Variants in ACSL6 observed in about 807,000 individuals in gnomAD.
ACSL6 encodes the protein long-chain-fatty-acid--CoA ligase 6.
Under a neutral mutation model 98.2 loss-of-function variants are expected in ACSL6, and 47 were observed. The observed-to-expected ratio is 0.48, with a 90% CI of 0.38 to 0.61. The LOEUF is 0.61. ACSL6 is among the 20% of genes least tolerant of loss of function. The pLI is 0.00. For synonymous variants in ACSL6, 362 were observed against 336.9 expected (o/e 1.07, Z -0.82); for missense variants, 761 against 913.4 (o/e 0.83, Z 2.15).
chr5:131,977,073 G>A (rs1753662126), intron 9 of ACSL6, among the ~76,000 whole-genome samples: 1 of 152,156 alleles, frequency 6.6e-6, no homozygotes, highest in Non-Finnish European at 1.5e-5. Flanking sequence ...CTTACATATA[G>A]CAAGGGCTCT....
At chr5:131,989,707 T>C (rs188152114) in intron 4 of ACSL6, among the ~76,000 whole-genome samples, 199 bp from the exon 5 acceptor site, 172 of 146,786 alleles carry the variant, frequency 1.2e-3, no homozygotes, top group African/African-American at 3.2e-3. Flanking sequence ...GCAATTCTCC[T>C]GTCAGCCTCC....
chr5:131,967,500 A>G (rs752249236), intron 16 of ACSL6, among the ~76,000 whole-genome samples: 128 of 152,082 alleles, frequency 8.4e-4, no homozygotes, highest in Non-Finnish European at 1.4e-3. Context: ...CGTCTCTACT[A>G]AAAATACAAA....
Position 131,952,534 on chromosome 5 carries a change from T to C in ACSL6, c.*1700A>G, listed in dbSNP as rs750813564. The stretch of plus-strand genomic sequence containing the variant: ...AGACTACAAACACTGAGCACATACA[T>C]TTTAAATTAACACATGAATTGCATA... On this transcript the variant is annotated 3_prime_UTR_variant, in exon 21 of 21. Coordinates refer to ENST00000651883, the MANE Select transcript of ACSL6 (RefSeq NM_001009185.3). The C allele has an allele frequency of 2.3e-5, 5 of 215,578 alleles. No homozygotes were observed. The highest frequency in any genetic ancestry group is 3.0e-3 in the Middle Eastern group (2 of 674). 13.4% of individuals were successfully genotyped at this position (215,578 alleles called of 1,614,324 possible). A position where few individuals can be genotyped will look rare whatever the true frequency, so the allele number is the denominator to read the frequency against.
chr5:131,960,454 T>A, intron 19 of ACSL6, 66 bp downstream of exon 19: 1 of 1,355,584 alleles, frequency 7.4e-7, no homozygotes, highest in Non-Finnish European at 1.0e-6. Context: ...AACTTTTCTG[T>A]CTTCTCATTA....
chr5:131,955,004 T>C (rs1246484744), intron 20 of ACSL6, among the ~76,000 whole-genome samples: 1 of 152,194 alleles, frequency 6.6e-6, no homozygotes, highest in Non-Finnish European at 1.5e-5. Flanking sequence ...AGCCATTTTA[T>C]GGAGGAGCTC....
intron 17 of ACSL6, among the ~76,000 whole-genome samples, chr5:131,963,353 C>T (rs745887247): frequency 6.6e-6 from 1 of 152,206 alleles, no homozygotes; most frequent in Middle Eastern, 3.4e-3. Flanking sequence ...AAGGTGATTA[C>T]GTGGGCCTCT....
chr5:131,989,005 C>A, intron 5 of ACSL6, 101 bp from the exon 6 acceptor site: 1 of 1,048,924 alleles, frequency 9.5e-7, no homozygotes, highest in African/African-American at 1.6e-5. Flanking sequence ...AAGCCCTATG[C>A]CTGTGGCAAG....
At chr5:131,991,036 T>C (rs1222413346) in intron 2 of ACSL6, 69 bp from the exon 3 acceptor site, 1 of 1,335,040 alleles carries the variant, frequency 7.5e-7, no homozygotes, top group Non-Finnish European at 1.1e-6. Context: ...GGCCGCAGCA[T>C]GCACAAGGCT....
chr5:131,956,014 G>A (rs1254242241), intron 20 of ACSL6, among the ~76,000 whole-genome samples: 3 of 152,126 alleles, frequency 2.0e-5, no homozygotes, highest in Non-Finnish European at 4.4e-5. Context: ...TTTTAAAAAT[G>A]AGATACAAAT....
At chr5:132,009,450 GTC>G (rs1170436923) in intron 1 of ACSL6, among the ~76,000 whole-genome samples, 6 of 152,350 alleles carry the variant, frequency 3.9e-5, no homozygotes, top group African/African-American at 1.4e-4. Context: ...TAACTCAGGA[GTC>G]TCTTCTGCCA....
intron 4 of ACSL6, 103 bp from the exon 5 acceptor site, chr5:131,989,611 T>C: frequency 1.8e-6 from 1 of 547,912 alleles, no homozygotes; most frequent in Non-Finnish European, 2.9e-6. Context: ...TTTTTTTTTT[T>C]TTGAGATGGA....
chr5:131,968,133 A>C (rs1753118453), intron 15 of ACSL6, 105 bp from the exon 16 acceptor site: 2 of 889,878 alleles, frequency 2.2e-6, no homozygotes, highest in Non-Finnish European at 3.6e-6. Context: ...GTGGGGAATT[A>C]TGGATGGAAA....
upstream of ACSL6, chr5:132,011,761 G>A: frequency 2.3e-6 from 3 of 1,309,252 alleles, no homozygotes; most frequent in Non-Finnish European, 2.9e-6. This position sits in a 1 kb window ranked among gnomAD's most constrained non-coding sequence, Gnocchi z 5.4. Flanking sequence ...ACTCGCAACC[G>A]AGCCTTACTC....
upstream of ACSL6, chr5:132,011,940 A>G (rs1413672532): frequency 6.4e-7 from 1 of 1,551,886 alleles, no homozygotes; most frequent in Non-Finnish European, 8.7e-7. The surrounding 1 kb of genome is among the most constrained non-coding windows in gnomAD (Gnocchi z 5.4). Flanking sequence ...ACCGGCTGGA[A>G]GGGGGAGCAC....
Position 132,011,411 on chromosome 5 carries a change from G to C in ACSL6, c.49+94C>G, listed in dbSNP as rs1407812718. ...GCTCAGCAGCAGGGGATGGGGGCTCGGCGGCCGCGGAGATGTAACACCTCC... is the reference window on the plus strand; with the variant it reads ...GCTCAGCAGCAGGGGATGGGGGCTCCGCGGCCGCGGAGATGTAACACCTCC... On this transcript the variant is annotated intron_variant, in intron 1 of 20. Coordinates refer to ENST00000651883, the MANE Select transcript of ACSL6 (RefSeq NM_001009185.3). The surrounding 1 kb of genome is among the most constrained non-coding windows in gnomAD (Gnocchi z 5.4). 1.2e-5 allele frequency: 16 copies of C among 1,369,386 alleles called. No homozygotes were observed. Among genetic ancestry groups the C allele is most frequent in the Non-Finnish European group, 1.5e-5 (15 of 968,752 alleles). The allele number at this position is 1,369,386 out of a possible 1,614,324, so 84.8% of individuals were successfully genotyped here. A position where few individuals can be genotyped will look rare whatever the true frequency, so the allele number is the denominator to read the frequency against.
In ACSL6 at chr5:131,950,254, C is replaced by G. The variant is rs1752092958; in HGVS notation, c.*3980G>C. 4.9e-6 allele frequency: 1 copy of G among 203,244 alleles called. No homozygotes were observed. Among genetic ancestry groups the G allele is most frequent in the Non-Finnish European group, 1.0e-5 (1 of 99,032 alleles). The allele number at this position is 203,244 out of a possible 1,614,324, so 12.6% of individuals were successfully genotyped here. On this transcript the variant is annotated 3_prime_UTR_variant, in exon 21 of 21. Transcript: ENST00000651883. ...CAAATGAATGTTTAAAAGCCACTGT[C>G]ACCTCATGAAACCCTTTCCATTTGG...
chr5:131,972,979 G>T, intron 12 of ACSL6, 121 bp from the exon 13 acceptor site: 1 of 1,393,690 alleles, frequency 7.2e-7, no homozygotes, highest in Non-Finnish European at 9.8e-7. Context: ...GCCCCTGCAG[G>T]AGGTCACTGA....
chr5:131,993,997 C>T (rs745591637), intron 2 of ACSL6, 34 bp downstream of exon 2: 5 of 1,603,680 alleles, frequency 3.1e-6, no homozygotes, highest in South Asian at 1.1e-5. Context: ...CTGCCCCCTA[C>T]TTTCCGCAGT....
intron 20 of ACSL6, among the ~76,000 whole-genome samples, chr5:131,958,482 T>A (rs1313636191): frequency 6.6e-6 from 1 of 152,206 alleles, no homozygotes; most frequent in Non-Finnish European, 1.5e-5. Context: ...TCCATACTTT[T>A]AAAAAATATT....
Sources: gnomAD v4.1 joint callset for allele counts (sites outside exome capture counted in the v4.1 genomes callset) on GRCh38, gnomAD v4.1.1 for gene constraint, Gnocchi (gnomAD v3.1) non-coding constraint, MANE v1.5 for transcripts, NCBI Gene and HGNC (gene_info 2026-07-23, HGNC 2026-07-21) for gene names.